The following ZDHHC2 variants were observed in gnomAD, a reference collection of about 807,000 sequenced individuals.
ZDHHC2 encodes zDHHC palmitoyltransferase 2.
ZDHHC2 carries 51 observed loss-of-function variants against 55.6 expected under a neutral mutation model. The observed-to-expected ratio is 0.92, with a 90% CI of 0.73 to 1.16. ZDHHC2 has a LOEUF of 1.16. Ranked by LOEUF, ZDHHC2 falls within the 50% of genes most tolerant of loss-of-function variation. The probability of loss-of-function intolerance (pLI) is 0.00; values close to 1 mark genes in which losing one functional copy is unlikely to be tolerated. For synonymous variants in ZDHHC2, 199 were observed against 152.9 expected, an observed-to-expected ratio of 1.30 and a Z score of -2.22; for missense variants, 491 against 442.4, an observed-to-expected ratio of 1.11 and a Z score of -0.99.
At chr8:17,167,701 A>G (rs1413023353) in intron 1 of ZDHHC2, among the ~76,000 whole-genome samples, 1 of 152,198 alleles carries the variant, frequency 6.6e-6, no homozygotes, top group Non-Finnish European at 1.5e-5. Flanking sequence ...TGATAAAGTT[A>G]ATTGTAGAAC....
At chr8:17,186,282 T>C (rs762655998) in intron 2 of ZDHHC2, 49 bp from the exon 3 acceptor site, 1 of 1,222,600 alleles carries the variant, frequency 8.2e-7, no homozygotes, top group African/African-American at 1.5e-5. Flanking sequence ...GTCATAATTT[T>C]AGTATGTATT....
At chr8:17,186,951 G>A (rs1029240804) in intron 3 of ZDHHC2, among the ~76,000 whole-genome samples, 6 of 152,150 alleles carry the variant, frequency 3.9e-5, no homozygotes, top group East Asian at 1.9e-4. Flanking sequence ...GGGACTCTGC[G>A]GTTCCAACCA....
intron 1 of ZDHHC2, among the ~76,000 whole-genome samples, chr8:17,164,893 A>C (rs997096726): frequency 6.6e-6 from 1 of 152,192 alleles, no homozygotes; most frequent in Non-Finnish European, 1.5e-5. Context: ...TGTGACATGG[A>C]GTAAGGGTGA....
At position 17,191,294 on chromosome 8, in the gene ZDHHC2, G is replaced by A. The variant is rs1433085824; in HGVS notation, c.253-4210G>A. Among the ~76,000 whole-genome samples the A allele has an allele frequency of 4.6e-5, 7 of 151,682 alleles. No homozygotes were observed. The East Asian group carries it at 9.8e-4, about 21-fold the overall frequency. The stretch of plus-strand genomic sequence containing the variant: ...GTATTTTTAATAGAGATGGGGTTTC[G>A]CCATGTTGGCCAGGCTGGTATCAAA... On this transcript the variant is annotated intron_variant, in intron 3 of 12. Coordinates refer to ENST00000262096, the MANE Select transcript of ZDHHC2 (RefSeq NM_016353.5).
chr8:17,161,873 A>T (rs1412551141), intron 1 of ZDHHC2, among the ~76,000 whole-genome samples: 2 of 152,244 alleles, frequency 1.3e-5, no homozygotes, highest in African/African-American at 4.8e-5. Context: ...AAAAATAAAA[A>T]ATAAAAAAAA....
intron 7 of ZDHHC2, among the ~76,000 whole-genome samples, chr8:17,207,620 G>A (rs563081632): frequency 3.9e-4 from 59 of 152,064 alleles, no homozygotes; most frequent in African/African-American, 1.1e-3. Flanking sequence ...AACATACTCC[G>A]TTAATAAATT....
chr8:17,188,719 C>T (rs1805859112), intron 3 of ZDHHC2, among the ~76,000 whole-genome samples: 1 of 152,158 alleles, frequency 6.6e-6, no homozygotes, highest in African/African-American at 2.4e-5. Flanking sequence ...ATATATTAGC[C>T]TGGTGCTTGC....
At chr8:17,189,773 C>T (rs1026192391) in intron 3 of ZDHHC2, among the ~76,000 whole-genome samples, 1 of 152,210 alleles carries the variant, frequency 6.6e-6, no homozygotes, top group Admixed American at 6.5e-5. Context: ...AAATCGATGA[C>T]AGTGACATTA....
intron 1 of ZDHHC2, among the ~76,000 whole-genome samples, chr8:17,158,784 TGCCTGCCTG>T (rs1488687013): frequency 6.6e-6 from 1 of 152,246 alleles, no homozygotes; most frequent in Non-Finnish European, 1.5e-5. Context: ...TTCTTGTCCC[TGCCTGCCTG>T]GCGCAATGCC....
intron 7 of ZDHHC2, 62 bp from the exon 8 acceptor site, chr8:17,207,898 A>T: frequency 5.6e-6 from 7 of 1,242,006 alleles, no homozygotes; most frequent in Non-Finnish European, 7.2e-6. Context: ...TAATTTACTT[A>T]TAAAAGTAGG....
intron 1 of ZDHHC2, among the ~76,000 whole-genome samples, chr8:17,173,920 T>A (rs544583085): frequency 6.6e-6 from 1 of 151,988 alleles, no homozygotes; most frequent in African/African-American, 2.4e-5. Context: ...TAATCCCTTA[T>A]CCAACGTGAC....
chr8:17,173,044 T>G (rs1464503122), intron 1 of ZDHHC2, among the ~76,000 whole-genome samples: 1 of 152,158 alleles, frequency 6.6e-6, no homozygotes, highest in Admixed American at 6.5e-5. Context: ...AAGAGGACAT[T>G]TTAAACCCTA....
At position 17,215,296 on chromosome 8, in the gene ZDHHC2, CT is replaced by C. The variant is rs768935827; in HGVS notation, c.1011del (p.Asp338IlefsTer10). The C allele has an allele frequency of 1.2e-6, 2 of 1,601,396 alleles. No individual in the cohort carries two copies. Among genetic ancestry groups the C allele is most frequent in the East Asian group, 2.2e-5 (1 of 44,510 alleles). On this transcript the variant is annotated frameshift_variant, in exon 11 of 13. Transcript: ENST00000262096. LOFTEE classifies it high-confidence loss of function. ...PLRESQSHLL[T>X]DSQSWTESSI... ...AGAGAGTCCCAGAGCCACCTTCTTACTGATTCTCAGTCTTGGACGGAGAGCA... is the reference window on the plus strand; with the variant it reads ...AGAGAGTCCCAGAGCCACCTTCTTACGATTCTCAGTCTTGGACGGAGAGCA...
chr8:17,161,115 C>G (rs1441375063), intron 1 of ZDHHC2, among the ~76,000 whole-genome samples: 2 of 152,218 alleles, frequency 1.3e-5, no homozygotes, highest in African/African-American at 4.8e-5. Flanking sequence ...TCCCTAAGAA[C>G]AAAATACACA....
At chr8:17,207,106 T>C (rs1327077318) in intron 7 of ZDHHC2, among the ~76,000 whole-genome samples, 1 of 152,226 alleles carries the variant, frequency 6.6e-6, no homozygotes, top group Non-Finnish European at 1.5e-5. Context: ...GAATTTTCGC[T>C]GTCAAAAAAA....
rs536681651 is a variant in ZDHHC2 at position 17,204,487 on chromosome 8, T to C, written c.477-1168T>C. ...CATGAAGGTATTAGCCAATTCCACATGGGTGATGTATCACATTGACACAAG... is the reference window on the plus strand; with the variant it reads ...CATGAAGGTATTAGCCAATTCCACACGGGTGATGTATCACATTGACACAAG... On this transcript the variant is annotated intron_variant, in intron 6 of 12. Coordinates refer to ENST00000262096, the MANE Select transcript of ZDHHC2 (RefSeq NM_016353.5). 5.9e-4 allele frequency among the ~76,000 whole-genome samples: 90 copies of C among 152,380 alleles called. 1 individual carries two copies. Among genetic ancestry groups the C allele is most frequent in the Admixed American group, 4.5e-3 (69 of 15,310 alleles).
At chr8:17,196,174 T>C (rs988309235) in intron 4 of ZDHHC2, among the ~76,000 whole-genome samples, 10 of 152,140 alleles carry the variant, frequency 6.6e-5, no homozygotes, top group African/African-American at 2.4e-4. Flanking sequence ...AACTATCCAC[T>C]TAAACAGTTG....
chr8:17,194,145 A>G (rs899104199), intron 3 of ZDHHC2, among the ~76,000 whole-genome samples: 4 of 152,076 alleles, frequency 2.6e-5, no homozygotes, highest in South Asian at 4.1e-4. Context: ...TATGTGCCAC[A>G]TGTTCTTTAT....
In ZDHHC2 at chr8:17,220,399, G is replaced by C. The variant is rs543757214; in HGVS notation, c.*178G>C. 1 of 125,744 alleles carries C rather than the reference G, an allele frequency of 8.0e-6. No homozygotes were observed. The highest frequency in any genetic ancestry group is 2.0e-5 in the Non-Finnish European group (1 of 50,376). The allele number at this position is 125,744 out of a possible 1,614,324, so 7.8% of individuals were successfully genotyped here. A position where few individuals can be genotyped will look rare whatever the true frequency, so the allele number is the denominator to read the frequency against. ...ATTGCTTAAAATATAACATGTTTTGGATCCAATACACACATTGTTACAACT... is the reference window on the plus strand; with the variant it reads ...ATTGCTTAAAATATAACATGTTTTGCATCCAATACACACATTGTTACAACT... On this transcript the variant is annotated 3_prime_UTR_variant, in exon 13 of 13. Transcript: ENST00000262096.
Sources: gnomAD v4.1 joint callset for allele counts (sites outside exome capture counted in the v4.1 genomes callset) on GRCh38, gnomAD v4.1.1 for gene constraint, MANE v1.5 for transcripts, NCBI Gene and HGNC (gene_info 2026-07-23, HGNC 2026-07-21) for gene names.